Variants in HEMK2 observed in about 807,000 individuals in gnomAD.
The protein encoded by HEMK2 is methyltransferase HEMK2.
At chr21:28,626,080 C>A in the HEMK2 span, among the ~76,000 whole-genome samples, 3 of 151,868 alleles carry the variant, frequency 2.0e-5, no homozygotes, top group African/African-American at 7.2e-5. Context: ...ATAACAAATA[C>A]ATTTTTATTG....
At chr21:28,720,202 T>A in the HEMK2 span, among the ~76,000 whole-genome samples, 9 of 152,192 alleles carry the variant, frequency 5.9e-5, no homozygotes, top group African/African-American at 2.2e-4. Context: ...AAGGTGATTT[T>A]AAATAGAAAC....
At chr21:28,645,493 A>G in the HEMK2 span, among the ~76,000 whole-genome samples, 1 of 152,218 alleles carries the variant, frequency 6.6e-6, no homozygotes, top group Admixed American at 6.5e-5. Flanking sequence ...TCCAAAGGAA[A>G]AAGACTCAAA....
At chr21:28,684,821 G>A in the HEMK2 span, among the ~76,000 whole-genome samples, 6 of 152,176 alleles carry the variant, frequency 3.9e-5, no homozygotes, top group Admixed American at 2.0e-4. Flanking sequence ...CCAAGTACCT[G>A]TGAGATCAGC....
the HEMK2 span, among the ~76,000 whole-genome samples, chr21:28,721,027 C>T: frequency 6.6e-6 from 1 of 152,114 alleles, no homozygotes; most frequent in Admixed American, 6.5e-5. Flanking sequence ...TAGTAGCTAC[C>T]AGCAAAAGTA....
the HEMK2 span, among the ~76,000 whole-genome samples, chr21:28,720,254 A>C: frequency 2.8e-4 from 43 of 152,352 alleles, no homozygotes; most frequent in Middle Eastern, 0.01. Flanking sequence ...ACATACTGTG[A>C]CCAGAGGCTC....
chr21:28,865,119 G>C, the HEMK2 span, among the ~76,000 whole-genome samples: 6 of 151,988 alleles, frequency 3.9e-5, no homozygotes, highest in African/African-American at 1.5e-4. Context: ...CCTGCCTCTA[G>C]TCCATTCCCC....
the HEMK2 span, among the ~76,000 whole-genome samples, chr21:28,587,911 A>G: frequency 6.6e-6 from 1 of 152,234 alleles, no homozygotes; most frequent in African/African-American, 2.4e-5. Context: ...CCACATGCAG[A>G]TATATGCAGA....
At chr21:28,825,353 C>T in the HEMK2 span, among the ~76,000 whole-genome samples, 15 of 152,176 alleles carry the variant, frequency 9.9e-5, no homozygotes, top group Non-Finnish European at 1.9e-4. Flanking sequence ...CCCAGGATCA[C>T]GCCTTGAGAA....
chr21:28,623,609 A>T, the HEMK2 span, among the ~76,000 whole-genome samples: 1 of 152,240 alleles, frequency 6.6e-6, no homozygotes, highest in African/African-American at 2.4e-5. Flanking sequence ...GATGGACTGG[A>T]TAAAGAAAAT....
chr21:28,762,141 CAAG>C, the HEMK2 span, among the ~76,000 whole-genome samples: 1 of 152,066 alleles, frequency 6.6e-6, no homozygotes, highest in Admixed American at 6.6e-5. Flanking sequence ...GAAATTCACA[CAAG>C]AAGAGAGGAA....
At chr21:28,836,855 A>G in the HEMK2 span, among the ~76,000 whole-genome samples, 46 of 152,206 alleles carry the variant, frequency 3.0e-4, no homozygotes, top group Admixed American at 5.9e-4. Context: ...AAAAGTAAGC[A>G]GGTGTAAATA....
the HEMK2 span, among the ~76,000 whole-genome samples, chr21:28,664,625 C>A: frequency 6.6e-6 from 1 of 152,122 alleles, no homozygotes; most frequent in African/African-American, 2.4e-5. Flanking sequence ...ATATTGTAAG[C>A]TAAAGAGAAA....
the HEMK2 span, among the ~76,000 whole-genome samples, chr21:28,807,553 T>C: frequency 6.6e-6 from 1 of 152,182 alleles, no homozygotes; most frequent in Non-Finnish European, 1.5e-5. Context: ...GGCCCCTATC[T>C]TGAGTCATCT....
the HEMK2 span, among the ~76,000 whole-genome samples, chr21:28,601,482 G>T: frequency 6.6e-6 from 1 of 152,054 alleles, no homozygotes; most frequent in Non-Finnish European, 1.5e-5. Flanking sequence ...CTCCAGTCGA[G>T]ACTTTCTCTA....
At chr21:28,856,350 G>C in the HEMK2 span, among the ~76,000 whole-genome samples, 1 of 152,064 alleles carries the variant, frequency 6.6e-6, no homozygotes, top group East Asian at 1.9e-4. Flanking sequence ...GGGAGGTGGA[G>C]GTTGCAGTGA....
At chr21:28,607,934 C>T in the HEMK2 span, among the ~76,000 whole-genome samples, 2 of 152,118 alleles carry the variant, frequency 1.3e-5, no homozygotes, top group African/African-American at 2.4e-5. Flanking sequence ...TCTGTACAGA[C>T]CTTGATAATT....
chr21:28,863,448 A>AC, the HEMK2 span, among the ~76,000 whole-genome samples: 2 of 89,512 alleles, frequency 2.2e-5, no homozygotes, highest in Non-Finnish European at 4.4e-5. Context: ...ATATATATAT[A>AC]TATATATATA....
the HEMK2 span, among the ~76,000 whole-genome samples, chr21:28,658,541 C>A: frequency 6.6e-6 from 1 of 152,074 alleles, no homozygotes; most frequent in African/African-American, 2.4e-5. Context: ...CTTTGTTCTG[C>A]CTGCAGGAGG....
At chr21:28,877,525 AAAGAG>A in the HEMK2 span, among the ~76,000 whole-genome samples, 25,234 of 149,776 alleles carry the variant, frequency 0.17, 2,211 homozygotes, top group South Asian at 0.22. Context: ...GGAAAAAAGA[AAAGAG>A]AAGAGAAGAG....
Sources: gnomAD v4.1 joint callset for allele counts (sites outside exome capture counted in the v4.1 genomes callset) on GRCh38, gnomAD v4.1.1 for gene constraint, MANE v1.5 for transcripts, NCBI Gene and HGNC (gene_info 2026-07-23, HGNC 2026-07-21) for gene names.